ERAP1: variants seen among roughly 807,000 people sequenced by gnomAD.
ERAP1 encodes endoplasmic reticulum aminopeptidase 1.
Under a neutral mutation model 103.7 loss-of-function variants are expected in ERAP1, and 86 were observed. That is an observed-to-expected ratio of 0.83 (90% CI 0.70 to 0.99). The LOEUF is 0.99. Among genes scored for constraint, ERAP1 ranks in the 50% least tolerant of loss-of-function variants. The pLI, the probability that ERAP1 is intolerant of heterozygous loss-of-function variation, is 0.00. For synonymous variants in ERAP1, 398 were observed against 402.4 expected, an observed-to-expected ratio of 0.99 and a Z score of 0.13; for missense variants, 1,009 against 1,128.4, an observed-to-expected ratio of 0.89 and a Z score of 1.52.
chr5:96,806,851 G>A (rs200482949), intron 1 of ERAP1, among the ~76,000 whole-genome samples: 16 of 144,644 alleles, frequency 1.1e-4, no homozygotes, highest in East Asian at 2.0e-4. Context: ...GGATTAATTT[G>A]AAAAAAAAAA....
chr5:96,901,779 C>A, the ERAP1 span: 1 of 1,222,102 alleles, frequency 8.2e-7, no homozygotes, highest in Non-Finnish European at 1.1e-6. Context: ...TTGTAGGATG[C>A]TAGTTCCATA....
intron 16 of ERAP1, 35 bp from the exon 17 acceptor site, chr5:96,781,233 A>G (rs754236755): frequency 6.2e-7 from 1 of 1,602,320 alleles, no homozygotes. Flanking sequence ...TTAGCAATGA[A>G]TAGGTGATGA....
In ERAP1 at chr5:96,785,879, C is replaced by T. The variant is rs201856260; in HGVS notation, c.1852G>A (p.Asp618Asn). Residue 618 changes from aspartate (D) to asparagine (N), a missense_variant, in exon 13 of 19, where the codon GAC (aspartate) becomes AAC (asparagine). Asp to Asn is a conservative substitution (Grantham distance 23). Transcript: ENST00000443439. ...YIVHYEDDGW[D>N]SLTGLLKGTH... Reference sequence around the variant, plus strand: ...CCTTTTAAAAGGCCAGTCAAAGAGTCCCATCCATCATCCTCGTAATGCACA... The same window carrying T: ...CCTTTTAAAAGGCCAGTCAAAGAGTTCCATCCATCATCCTCGTAATGCACA... The T allele has an allele frequency of 3.7e-6, 6 of 1,613,982 alleles. No homozygotes were observed. In the Admixed American group the frequency reaches 5.0e-5, roughly 13 times the overall value.
At chr5:96,772,071 A>G (rs1187268253), downstream of ERAP1, 21 of 158,760 alleles carry the variant, frequency 1.3e-4, no homozygotes, top group South Asian at 6.0e-4. Flanking sequence ...TCCTGAAGAC[A>G]TTGGCATTCC....
chr5:96,797,360 T>A, intron 3 of ERAP1, 51 bp from the exon 4 acceptor site: 1 of 1,585,222 alleles, frequency 6.3e-7, no homozygotes, highest in Non-Finnish European at 8.7e-7. Context: ...TCCAATACAG[T>A]GAACATGATA....
At chr5:96,820,921 TTC>T in the ERAP1 span, among the ~76,000 whole-genome samples, 6 of 151,654 alleles carry the variant, frequency 4.0e-5, no homozygotes, top group South Asian at 1.3e-3. Context: ...TGTATCAGGG[TTC>T]TCCAGAGAAA....
the ERAP1 span, chr5:96,896,996 T>G: frequency 4.1e-3 from 1,115 of 270,020 alleles, 23 homozygotes; most frequent in African/African-American, 0.044. Context: ...TCATGGTCTA[T>G]AGAAGGCAGC....
the ERAP1 span, among the ~76,000 whole-genome samples, chr5:96,906,800 G>A: frequency 6.6e-6 from 1 of 152,208 alleles, no homozygotes; most frequent in Non-Finnish European, 1.5e-5. Flanking sequence ...GTGAGGCCAA[G>A]GCGGGTGGAT....
At chr5:96,879,677 A>C in the ERAP1 span, 2 of 1,610,656 alleles carry the variant, frequency 1.2e-6, no homozygotes, top group Non-Finnish European at 1.7e-6. Flanking sequence ...CTTCTAGAGA[A>C]TAGATTTCAT....
the ERAP1 span, among the ~76,000 whole-genome samples, chr5:96,927,061 T>A: frequency 6.6e-6 from 1 of 152,060 alleles, no homozygotes; most frequent in Non-Finnish European, 1.5e-5. Flanking sequence ...AAGTGATCCA[T>A]CCACCTCAGC....
chr5:96,796,249 C>T (rs529181453), intron 4 of ERAP1, among the ~76,000 whole-genome samples: 1 of 152,336 alleles, frequency 6.6e-6, no homozygotes, highest in Non-Finnish European at 1.5e-5. Context: ...TATCTTCAAA[C>T]AAAGCATCCC....
intron 1 of ERAP1, among the ~76,000 whole-genome samples, chr5:96,807,487 G>A (rs1778764365): frequency 6.6e-6 from 1 of 152,220 alleles, no homozygotes; most frequent in Non-Finnish European, 1.5e-5. Context: ...GCGCCAGGCG[G>A]AGCGCTGAGG....
chr5:96,909,146 A>C, the ERAP1 span: 246 of 1,605,348 alleles, frequency 1.5e-4, no homozygotes, highest in Non-Finnish European at 2.0e-4. Context: ...AAATGTATTA[A>C]GTAAATACAC....
the ERAP1 span, among the ~76,000 whole-genome samples, chr5:96,829,075 T>C: frequency 3.3e-5 from 5 of 152,320 alleles, no homozygotes; most frequent in East Asian, 7.7e-4. Context: ...CTCAATCTCC[T>C]GACCTTGTGA....
chr5:96,850,099 T>C, the ERAP1 span, among the ~76,000 whole-genome samples: 11 of 152,144 alleles, frequency 7.2e-5, no homozygotes, highest in African/African-American at 2.7e-4. Context: ...AATCAACTGA[T>C]AATGAATTAA....
chr5:96,857,808 G>A, the ERAP1 span, among the ~76,000 whole-genome samples: 1 of 152,194 alleles, frequency 6.6e-6, no homozygotes, highest in African/African-American at 2.4e-5. Flanking sequence ...TACAGATTGG[G>A]TGAGAAAACC....
the ERAP1 span, among the ~76,000 whole-genome samples, chr5:96,837,402 C>G: frequency 1.8e-4 from 28 of 152,228 alleles, no homozygotes; most frequent in Non-Finnish European, 2.6e-4. Context: ...CAGGAAATTT[C>G]CCCGACCCCT....
chr5:96,892,287 C>G, the ERAP1 span: 70 of 1,613,094 alleles, frequency 4.3e-5, no homozygotes, highest in Middle Eastern at 4.9e-4. Flanking sequence ...TATGGTTGTT[C>G]TTATTTCTTA....
chr5:96,769,889 T>C (rs1581447424), downstream of ERAP1: 2 of 150,082 alleles, frequency 1.3e-5, no homozygotes, highest in Middle Eastern at 6.8e-3. Flanking sequence ...ATCCATGTTG[T>C]GACAAATAGT....
Sources: allele counts gnomAD v4.1 joint callset (sites outside exome capture counted in the v4.1 genomes callset), GRCh38; gene constraint gnomAD v4.1.1; transcripts MANE v1.5; gene names NCBI Gene and HGNC (gene_info 2026-07-23, HGNC 2026-07-21).